Variants in RELN observed in about 807,000 individuals in gnomAD.
RELN encodes the protein reelin.
Under a neutral mutation model 427.6 loss-of-function variants are expected in RELN, and 108 were observed. That is an observed-to-expected ratio of 0.25 (90% CI 0.22 to 0.30). RELN has a LOEUF of 0.30. Among genes scored for constraint, RELN ranks in the 10% least tolerant of loss-of-function variants. The pLI is 1.00. For missense variants in RELN, 3,715 were observed against 4,302.8 expected (o/e 0.86, Z 3.82); for synonymous variants, 1,524 against 1,513.4 (o/e 1.01, Z -0.16).
At chr7:103,921,023 T>C (rs1008493458) in intron 1 of RELN, among the ~76,000 whole-genome samples, 1 of 152,202 alleles carries the variant, frequency 6.6e-6, no homozygotes, top group Non-Finnish European at 1.5e-5. Context: ...CATTCAGACT[T>C]AAAGAATGAA....
intron 1 of RELN, among the ~76,000 whole-genome samples, chr7:103,928,081 G>T (rs1322880416): frequency 6.6e-6 from 1 of 152,106 alleles, no homozygotes; most frequent in Non-Finnish European, 1.5e-5. Context: ...AGAGCTGGAT[G>T]AAAGGCAAAC....
chr7:103,929,576 T>C (rs1041765104), intron 1 of RELN, among the ~76,000 whole-genome samples: 2 of 152,214 alleles, frequency 1.3e-5, no homozygotes, highest in South Asian at 2.1e-4. Context: ...ATTTAATATA[T>C]ATTGTTGATT....
intron 2 of RELN, among the ~76,000 whole-genome samples, chr7:103,902,819 C>T (rs1446387556): frequency 6.6e-6 from 1 of 152,136 alleles, no homozygotes; most frequent in East Asian, 1.9e-4. Context: ...ACTCCTACAT[C>T]TACTTTCAAA....
rs532141676 is a variant in RELN, at chr7:103,985,015, G to A, written c.226+4116C>T. 3.3e-5 allele frequency among the ~76,000 whole-genome samples: 5 copies of A among 152,244 alleles called. No individual in the cohort carries two copies. In the East Asian group the frequency reaches 5.8e-4, roughly 18 times the overall value. ...TAGCAACCAGTTAATTTCAGAACAC[G>A]TGTGCCTTTAACAGTAATACTGGAA... On this transcript the variant is annotated intron_variant, in intron 1 of 64. Coordinates refer to ENST00000428762, the MANE Select transcript of RELN (RefSeq NM_005045.4).
chr7:103,798,987 T>C (rs942915841), intron 3 of RELN, among the ~76,000 whole-genome samples: 1 of 152,142 alleles, frequency 6.6e-6, no homozygotes, highest in Non-Finnish European at 1.5e-5. Context: ...CATTCCCTCA[T>C]GTAGCATCAG....
chr7:103,553,952 T>G, intron 38 of RELN, 121 bp from the exon 39 acceptor site: 1 of 790,860 alleles, frequency 1.3e-6, no homozygotes, highest in Non-Finnish European at 2.2e-6. Context: ...ACATATGCCT[T>G]CTACAGGAGG....
chr7:103,597,141 C>A (rs530145901), intron 24 of RELN, among the ~76,000 whole-genome samples: 1 of 152,256 alleles, frequency 6.6e-6, no homozygotes, highest in East Asian at 1.9e-4. Flanking sequence ...ATAATACCTT[C>A]CTCATATGGT....
chr7:103,773,979 G>A (rs921837982), intron 4 of RELN, among the ~76,000 whole-genome samples: 5 of 152,122 alleles, frequency 3.3e-5, no homozygotes, highest in South Asian at 2.1e-4. Flanking sequence ...AGGTCTTGCA[G>A]GTGCTGTATA....
At chr7:103,759,681 C>A (rs550701682) in intron 4 of RELN, among the ~76,000 whole-genome samples, 2 of 152,208 alleles carry the variant, frequency 1.3e-5, no homozygotes, top group South Asian at 2.1e-4. Flanking sequence ...AGAAGAACCA[C>A]TTTTTACTCA....
intron 3 of RELN, among the ~76,000 whole-genome samples, chr7:103,786,125 A>G (rs903748841): frequency 6.6e-6 from 1 of 152,068 alleles, no homozygotes; most frequent in African/African-American, 2.4e-5. Flanking sequence ...CTACTATAGC[A>G]TACAATATTA....
chr7:103,804,581 T>C (rs1792550469), intron 3 of RELN, among the ~76,000 whole-genome samples: 1 of 152,190 alleles, frequency 6.6e-6, no homozygotes, highest in African/African-American at 2.4e-5. Context: ...TCATAAATAA[T>C]GCGTAGTAAC....
chr7:103,628,949 C>CA (rs1007311784), intron 20 of RELN, among the ~76,000 whole-genome samples: 9 of 152,144 alleles, frequency 5.9e-5, no homozygotes, highest in Non-Finnish European at 4.4e-5. Flanking sequence ...CCTTGACACT[C>CA]ACTACTTCAC....
intron 42 of RELN, 118 bp downstream of exon 42, chr7:103,545,006 C>A (rs1231029837): frequency 1.3e-6 from 1 of 799,874 alleles, no homozygotes; most frequent in Non-Finnish European, 2.1e-6. Context: ...TGGATGTTCA[C>A]AATTGAAATA....
chr7:103,548,775 C>G (rs983964300), intron 41 of RELN, among the ~76,000 whole-genome samples: 8 of 152,062 alleles, frequency 5.3e-5, no homozygotes, highest in African/African-American at 1.9e-4. Context: ...TATTGTCTTG[C>G]CTTACGTGGA....
intron 57 of RELN, among the ~76,000 whole-genome samples, chr7:103,492,924 A>AGT (rs550274395): frequency 6.1e-4 from 93 of 152,350 alleles, no homozygotes; most frequent in African/African-American, 2.1e-3. Context: ...TCAAGAGCAC[A>AGT]GTATATAGCA....
At chr7:103,650,249 G>T in intron 16 of RELN, 25 bp downstream of exon 16, 1 of 1,328,488 alleles carries the variant, frequency 7.5e-7, no homozygotes, top group Non-Finnish European at 1.1e-6. Context: ...AATGGCATGT[G>T]ATTATGACAG....
intron 10 of RELN, among the ~76,000 whole-genome samples, chr7:103,684,532 G>T (rs1401539904): frequency 6.6e-6 from 1 of 152,102 alleles, no homozygotes; most frequent in African/African-American, 2.4e-5. Flanking sequence ...GATCGGAAAA[G>T]AACAAAAATT....
intron 9 of RELN, among the ~76,000 whole-genome samples, chr7:103,698,353 A>G (rs1005840454): frequency 1.5e-4 from 23 of 152,222 alleles, no homozygotes; most frequent in African/African-American, 5.5e-4. Flanking sequence ...AGTATGTTCA[A>G]ATAAGTCAGT....
chr7:103,740,076 T>G (rs1270489237), intron 6 of RELN, among the ~76,000 whole-genome samples: 1 of 152,038 alleles, frequency 6.6e-6, no homozygotes, highest in Non-Finnish European at 1.5e-5. Context: ...CAGAGGTGCA[T>G]CCTCATTCTA....
Sources: gnomAD v4.1 joint callset for allele counts (sites outside exome capture counted in the v4.1 genomes callset) on GRCh38, gnomAD v4.1.1 for gene constraint, MANE v1.5 for transcripts, NCBI Gene and HGNC (gene_info 2026-07-23, HGNC 2026-07-21) for gene names.